Variants in FHL2 observed in about 807,000 individuals in gnomAD.
The protein encoded by FHL2 is four and a half LIM domains protein 2.
Under a neutral mutation model 32.7 loss-of-function variants are expected in FHL2, and 20 were observed. That is an observed-to-expected ratio of 0.61 (90% confidence interval 0.43 to 0.89). The LOEUF is 0.89. Ranked by LOEUF, FHL2 falls within the 40% of genes least tolerant of loss-of-function variation. The pLI, the probability that FHL2 is intolerant of heterozygous loss-of-function variation, is 0.00. For synonymous variants in FHL2, 123 were observed against 128.1 expected, an observed-to-expected ratio of 0.96 and a Z score of 0.27; for missense variants, 311 against 358.6, an observed-to-expected ratio of 0.87 and a Z score of 1.07.
chr2:105,380,156 C>G (rs1681777134), intron 3 of FHL2, among the ~76,000 whole-genome samples: 1 of 152,156 alleles, frequency 6.6e-6, no homozygotes. Context: ...TTTTAGAGAT[C>G]TTGGCCAACA....
At chr2:105,410,868 A>G (rs1683767986) in intron 1 of FHL2, among the ~76,000 whole-genome samples, 1 of 152,234 alleles carries the variant, frequency 6.6e-6, no homozygotes, top group African/African-American at 2.4e-5. Flanking sequence ...TTGCAGTTAC[A>G]GCTGCCAACA....
At chr2:105,423,184 C>T (rs957851134) in intron 1 of FHL2, among the ~76,000 whole-genome samples, 1 of 152,022 alleles carries the variant, frequency 6.6e-6, no homozygotes, top group Non-Finnish European at 1.5e-5. Flanking sequence ...TCAGTGATAC[C>T]CATATGTTAG....
Position 105,372,881 on chromosome 2 carries a change from A to G in FHL2, c.331+678T>C, listed in dbSNP as rs1241832100. On this transcript the variant is annotated intron_variant, in intron 4 of 6. Transcript: ENST00000530340. ...TTCTTTCTGTATTTTGAAATTCCAC[A>G]TATTTTTGTCCACTTTGCTTTTTAA... is the stretch of plus-strand genomic sequence containing the variant. 3.3e-5 allele frequency among the ~76,000 whole-genome samples: 5 copies of G among 152,298 alleles called. No individual in the cohort carries two copies. The East Asian group carries it at 9.6e-4, about 29-fold the overall frequency.
intron 4 of FHL2, among the ~76,000 whole-genome samples, chr2:105,368,222 A>G (rs1680776935): frequency 6.6e-6 from 1 of 152,232 alleles, no homozygotes; most frequent in Non-Finnish European, 1.5e-5. Flanking sequence ...AACCTGATTC[A>G]GTGAGCAGCC....
upstream of FHL2, among the ~76,000 whole-genome samples, chr2:105,401,116 A>G (rs1683455120): frequency 6.8e-6 from 1 of 147,328 alleles, no homozygotes; most frequent in Non-Finnish European, 1.5e-5. Flanking sequence ...AGAATAAACT[A>G]GTAGAAAATC....
intron 1 of FHL2, among the ~76,000 whole-genome samples, chr2:105,422,054 G>C (rs980328284): frequency 6.6e-6 from 1 of 152,176 alleles, no homozygotes; most frequent in African/African-American, 2.4e-5. Flanking sequence ...AAGAATCACG[G>C]TGGAGGGCAG....
chr2:105,373,295 G>T (rs941165635), intron 4 of FHL2, among the ~76,000 whole-genome samples: 3 of 152,138 alleles, frequency 2.0e-5, no homozygotes, highest in Non-Finnish European at 4.4e-5. Context: ...TTTTTAAGGG[G>T]GATACCCACC....
At chr2:105,402,337 C>G (rs981124497), upstream of FHL2, among the ~76,000 whole-genome samples, 2 of 151,904 alleles carry the variant, frequency 1.3e-5, no homozygotes, top group South Asian at 2.1e-4. Flanking sequence ...ACCTCTGCCT[C>G]CCAGGTGCAA....
intron 1 of FHL2, among the ~76,000 whole-genome samples, chr2:105,429,188 C>T (rs547622043): frequency 1.6e-4 from 25 of 152,328 alleles, no homozygotes; most frequent in African/African-American, 6.0e-4. Flanking sequence ...ACACCAAAGA[C>T]TTTGCCCCAC....
At chr2:105,369,930 C>T (rs933866948) in intron 4 of FHL2, among the ~76,000 whole-genome samples, 1 of 152,226 alleles carries the variant, frequency 6.6e-6, no homozygotes, top group African/African-American at 2.4e-5. Context: ...GGCATGGCGA[C>T]AGCAGTGGCC....
At chr2:105,405,044 C>G (rs1199553046) in intron 1 of FHL2, among the ~76,000 whole-genome samples, 1 of 152,142 alleles carries the variant, frequency 6.6e-6, no homozygotes, top group African/African-American at 2.4e-5. Context: ...TAGAATGAAA[C>G]TATTCACACC....
chr2:105,390,946 G>A (rs555390577), intron 2 of FHL2, among the ~76,000 whole-genome samples: 5 of 151,468 alleles, frequency 3.3e-5, no homozygotes, highest in Admixed American at 2.6e-4. Flanking sequence ...ACGGGCACAC[G>A]CCACCACACT....
intron 1 of FHL2, among the ~76,000 whole-genome samples, chr2:105,432,254 A>G (rs1052985808): frequency 6.6e-6 from 1 of 152,108 alleles, no homozygotes; most frequent in African/African-American, 2.4e-5. Context: ...TTGCATTTTC[A>G]ATTTGCAGGA....
At chr2:105,407,045 T>C (rs1683654495) in intron 1 of FHL2, among the ~76,000 whole-genome samples, 2 of 152,214 alleles carry the variant, frequency 1.3e-5, no homozygotes, top group South Asian at 4.1e-4. Flanking sequence ...GAATCTGTGT[T>C]CACAGCACTT....
chr2:105,386,732 G>A (rs528530778), intron 2 of FHL2, among the ~76,000 whole-genome samples, 192 bp from the exon 3 acceptor site: 17 of 148,298 alleles, frequency 1.1e-4, no homozygotes, highest in African/African-American at 4.0e-4. Flanking sequence ...TAGCTAGGGC[G>A]GTTTTGTGTT....
chr2:105,437,331 C>A (rs993615618), intron 1 of FHL2, among the ~76,000 whole-genome samples: 18 of 152,088 alleles, frequency 1.2e-4, no homozygotes, highest in Non-Finnish European at 1.5e-5. Flanking sequence ...ACCCCAAAAC[C>A]CTGACTTGGT....
intron 1 of FHL2, among the ~76,000 whole-genome samples, chr2:105,406,942 T>C (rs1406537010): frequency 6.6e-6 from 1 of 152,250 alleles, no homozygotes; most frequent in Non-Finnish European, 1.5e-5. Context: ...ATAGCCATCA[T>C]AGCCTCATTT....
chr2:105,373,857 G>A (rs576261528), intron 3 of FHL2, 124 bp from the exon 4 acceptor site: 7 of 822,382 alleles, frequency 8.5e-6, no homozygotes, highest in East Asian at 2.7e-5. Flanking sequence ...GCACCCTGGC[G>A]CACCCACATT....
At chr2:105,369,605 T>A (rs1050878328) in intron 4 of FHL2, among the ~76,000 whole-genome samples, 6 of 152,160 alleles carry the variant, frequency 3.9e-5, no homozygotes, top group African/African-American at 1.4e-4. Flanking sequence ...GGGTGATGAA[T>A]CCTAAAACAA....
Sources: allele counts gnomAD v4.1 joint callset (sites outside exome capture counted in the v4.1 genomes callset), GRCh38; gene constraint gnomAD v4.1.1; transcripts MANE v1.5; gene names NCBI Gene and HGNC (gene_info 2026-07-23, HGNC 2026-07-21).